Variants in TENM4 observed in about 807,000 individuals in gnomAD.
TENM4 encodes teneurin-4.
In TENM4, 82 loss-of-function variants were observed where a neutral mutation model predicts 243.3. The observed-to-expected ratio is 0.34, with a 90% CI of 0.28 to 0.40. TENM4 has a LOEUF of 0.40. TENM4 is among the 10% of genes least tolerant of loss of function. The probability of loss-of-function intolerance (pLI) is 1.00; values close to 1 mark genes in which losing one functional copy is unlikely to be tolerated. For synonymous variants in TENM4, 1,412 were observed against 1,456.3 expected (o/e 0.97, Z 0.69); for missense variants, 3,138 against 3,673.3 (o/e 0.85, Z 3.77).
At chr11:79,094,204 C>T (rs979941928) in intron 4 of TENM4, among the ~76,000 whole-genome samples, 1 of 152,158 alleles carries the variant, frequency 6.6e-6, no homozygotes, top group African/African-American at 2.4e-5. Flanking sequence ...GCCAGACAGC[C>T]TGAGTATTTG....
intron 9 of TENM4, among the ~76,000 whole-genome samples, chr11:78,881,835 C>T (rs1402199090): frequency 6.6e-6 from 1 of 152,200 alleles, no homozygotes; most frequent in African/African-American, 2.4e-5. Flanking sequence ...TGCAGAGAGC[C>T]ATGCTGGTCT....
rs546221340 is a variant in TENM4 at position 79,120,301 on chromosome 11, A to G, written c.-66+28409T>C. ...TTTCTCTGCAAATGCTCATAGAAAAACACACAGTAACACCTGTACTCACTT... is the reference window on the plus strand; with the variant it reads ...TTTCTCTGCAAATGCTCATAGAAAAGCACACAGTAACACCTGTACTCACTT... On this transcript the variant is annotated intron_variant, in intron 4 of 33. Coordinates refer to ENST00000278550, the MANE Select transcript of TENM4 (RefSeq NM_001098816.3). Among the ~76,000 whole-genome samples the G allele has an allele frequency of 2.0e-5, 3 of 152,314 alleles. No individual in the cohort carries two copies. The South Asian group carries it at 6.2e-4, about 32-fold the overall frequency.
At chr11:79,373,363 TG>T (rs1297082652) in intron 1 of TENM4, among the ~76,000 whole-genome samples, 1 of 151,760 alleles carries the variant, frequency 6.6e-6, no homozygotes, top group Non-Finnish European at 1.5e-5. Context: ...GATCGATAAA[TG>T]AATGAAGGTG....
chr11:78,946,608 T>C (rs986029868), intron 6 of TENM4, among the ~76,000 whole-genome samples: 11 of 152,248 alleles, frequency 7.2e-5, no homozygotes, highest in Non-Finnish European at 1.5e-4. Context: ...CTGCCATAGA[T>C]AGTGATTCCT....
At chr11:79,006,645 T>A (rs182123049) in intron 6 of TENM4, among the ~76,000 whole-genome samples, 5 of 152,284 alleles carry the variant, frequency 3.3e-5, no homozygotes, top group African/African-American at 1.2e-4. Flanking sequence ...CTGGGATATA[T>A]ATCCACCAAA....
intron 12 of TENM4, among the ~76,000 whole-genome samples, chr11:78,815,878 G>T (rs1857595064): frequency 6.6e-6 from 1 of 152,238 alleles, no homozygotes; most frequent in Admixed American, 6.5e-5. Context: ...AGACTGCAAG[G>T]ACTGGAACCC....
chr11:78,899,410 C>T (rs1430397098), intron 7 of TENM4, among the ~76,000 whole-genome samples: 4 of 151,758 alleles, frequency 2.6e-5, no homozygotes, highest in Non-Finnish European at 4.4e-5. Flanking sequence ...CTGATCTCTA[C>T]AAAAAATAAA....
chr11:79,386,599 G>A (rs1182936432), intron 1 of TENM4, among the ~76,000 whole-genome samples: 2 of 152,048 alleles, frequency 1.3e-5, no homozygotes, highest in Non-Finnish European at 1.5e-5. Flanking sequence ...ACTTGAACAG[G>A]CATTTCACAA....
intron 9 of TENM4, among the ~76,000 whole-genome samples, chr11:78,865,359 T>G (rs1858942943): frequency 6.6e-6 from 1 of 152,228 alleles, no homozygotes; most frequent in Non-Finnish European, 1.5e-5. Flanking sequence ...CCTGAAAACA[T>G]GCACTGTCAG....
intron 12 of TENM4, among the ~76,000 whole-genome samples, chr11:78,831,622 T>G (rs908573339): frequency 2.0e-5 from 3 of 152,194 alleles, no homozygotes; most frequent in Non-Finnish European, 4.4e-5. Flanking sequence ...GCAGATGTTT[T>G]CAGAATTACA....
intron 6 of TENM4, among the ~76,000 whole-genome samples, chr11:78,980,387 C>T (rs562082843): frequency 1.2e-4 from 19 of 152,162 alleles, no homozygotes; most frequent in African/African-American, 3.4e-4. Context: ...ACTGGTAAGG[C>T]GAGAGCCAGG....
intron 1 of TENM4, among the ~76,000 whole-genome samples, chr11:79,297,840 T>C (rs541951484): frequency 6.6e-6 from 1 of 151,854 alleles, no homozygotes; most frequent in East Asian, 1.9e-4. Flanking sequence ...TGTCAAAATA[T>C]AAAAGACCAT....
chr11:79,109,429 T>C (rs2137099899), intron 4 of TENM4, among the ~76,000 whole-genome samples: 1 of 152,128 alleles, frequency 6.6e-6, no homozygotes, highest in African/African-American at 2.4e-5. Context: ...GTGATTCTCC[T>C]TGTGAGGTGC....
intron 31 of TENM4, among the ~76,000 whole-genome samples, chr11:78,671,146 C>G (rs556081772): frequency 1.3e-5 from 2 of 152,336 alleles, no homozygotes; most frequent in East Asian, 3.9e-4. Flanking sequence ...AATGACAGGT[C>G]ATAAGCCTAC....
intron 6 of TENM4, among the ~76,000 whole-genome samples, chr11:79,008,875 C>T (rs1858567251): frequency 6.6e-6 from 1 of 152,196 alleles, no homozygotes; most frequent in Non-Finnish European, 1.5e-5. Context: ...CATTTCCATC[C>T]ACCCTCCATG....
chr11:78,916,880 A>G (rs559438478), intron 6 of TENM4, among the ~76,000 whole-genome samples: 2 of 152,364 alleles, frequency 1.3e-5, no homozygotes, highest in African/African-American at 2.4e-5. Flanking sequence ...GCCCATGGTC[A>G]CACTGCTGGG....
At chr11:79,010,209 C>G (rs1177100832) in intron 6 of TENM4, among the ~76,000 whole-genome samples, 1 of 152,142 alleles carries the variant, frequency 6.6e-6, no homozygotes, top group Non-Finnish European at 1.5e-5. Flanking sequence ...CCTTACCTAC[C>G]TGGCTACCTT....
chr11:79,360,450 G>A (rs1270310237), intron 1 of TENM4, among the ~76,000 whole-genome samples: 3 of 152,124 alleles, frequency 2.0e-5, no homozygotes, highest in Non-Finnish European at 2.9e-5. Context: ...CTCCTCAGTT[G>A]GAGTAGGAAT....
intron 27 of TENM4, among the ~76,000 whole-genome samples, chr11:78,706,022 T>C (rs1302123474): frequency 1.3e-5 from 2 of 152,222 alleles, no homozygotes. Flanking sequence ...TTCATTTCCA[T>C]ATCTCTGATG....
Sources: gnomAD v4.1 joint callset for allele counts (sites outside exome capture counted in the v4.1 genomes callset) on GRCh38, gnomAD v4.1.1 for gene constraint, MANE v1.5 for transcripts, NCBI Gene and HGNC (gene_info 2026-07-23, HGNC 2026-07-21) for gene names.